PIP4K2A: variants seen among roughly 807,000 people sequenced by gnomAD.
PIP4K2A encodes phosphatidylinositol-5-phosphate 4-kinase type 2 alpha.
PIP4K2A carries 14 observed loss-of-function variants against 42.9 expected under a neutral mutation model. That is an observed-to-expected ratio of 0.33 (90% CI 0.22 to 0.51). PIP4K2A has a LOEUF of 0.51. PIP4K2A is among the 20% of genes least tolerant of loss of function. The pLI, the probability that PIP4K2A is intolerant of heterozygous loss-of-function variation, is 0.97. For missense variants in PIP4K2A, 434 were observed against 519.8 expected, an observed-to-expected ratio of 0.83 and a Z score of 1.61; for synonymous variants, 192 against 192.2, an observed-to-expected ratio of 1.00 and a Z score of 0.01.
chr10:22,698,225 C>G (rs1313250558), intron 1 of PIP4K2A, among the ~76,000 whole-genome samples: 1 of 152,108 alleles, frequency 6.6e-6, no homozygotes, highest in Non-Finnish European at 1.5e-5. Flanking sequence ...CTGAAAATCT[C>G]TATAAAGAGA....
intron 7 of PIP4K2A, among the ~76,000 whole-genome samples, chr10:22,542,556 C>T (rs1209177108): frequency 6.6e-6 from 1 of 152,204 alleles, no homozygotes; most frequent in East Asian, 1.9e-4. Flanking sequence ...GTGTCCACAT[C>T]TGGTGAGTAA....
At chr10:22,540,891 A>C (rs1172269606) in intron 8 of PIP4K2A, among the ~76,000 whole-genome samples, 1 of 152,206 alleles carries the variant, frequency 6.6e-6, no homozygotes, top group Admixed American at 6.5e-5. Context: ...AAATATGAAC[A>C]GTAAGAAAAG....
At chr10:22,678,392 C>T (rs1490685868) in intron 1 of PIP4K2A, among the ~76,000 whole-genome samples, 1 of 152,070 alleles carries the variant, frequency 6.6e-6, no homozygotes, top group East Asian at 1.9e-4. Context: ...ACTCCAAATA[C>T]AAGACTGAGA....
intron 5 of PIP4K2A, among the ~76,000 whole-genome samples, chr10:22,571,900 C>T (rs12356117): frequency 0.22 from 33,477 of 152,108 alleles, 4,698 homozygotes; most frequent in Non-Finnish European, 0.31. Flanking sequence ...CGGAGATTTG[C>T]AAAAATGTAA....
rs1451329387 is a variant in PIP4K2A, at chr10:22,714,122, G to C, written c.144+61C>G. ...CGCAGCAGCTGCAGCCGGAGGAGGAGGGGAACGAGGAGGAAGAGGAGGAGG... is the reference window on the plus strand; with the variant it reads ...CGCAGCAGCTGCAGCCGGAGGAGGACGGGAACGAGGAGGAAGAGGAGGAGG... On this transcript the variant is annotated intron_variant, in intron 1 of 9. Coordinates refer to ENST00000376573, the MANE Select transcript of PIP4K2A (RefSeq NM_005028.5). 8.6e-6 allele frequency: 13 copies of C among 1,503,220 alleles called. No individual in the cohort carries two copies. The Admixed American group carries it at 2.3e-4, about 27-fold the overall frequency. 93.1% of individuals were successfully genotyped at this position (1,503,220 alleles called of 1,614,324 possible). A position where few individuals can be genotyped will look rare whatever the true frequency, so the allele number is the denominator to read the frequency against.
At chr10:22,712,930 GTGTGTGTGTGTC>G (rs1370707940) in intron 1 of PIP4K2A, among the ~76,000 whole-genome samples, 2 of 151,738 alleles carry the variant, frequency 1.3e-5, no homozygotes, top group African/African-American at 4.9e-5. Context: ...GTGTGTGTGT[GTGTGTGTGTGTC>G]TGTGTGTGTG....
At position 22,537,381 on chromosome 10, in the gene PIP4K2A, C is replaced by T. The variant is rs1402615636; in HGVS notation, c.1141-100G>A. 9 of 880,004 alleles carry T rather than the reference C, an allele frequency of 1.0e-5. 1 individual carries two copies. The highest frequency in any genetic ancestry group is 8.5e-5 in the African/African-American group (5 of 58,568). The allele number at this position is 880,004 out of a possible 1,614,324, so 54.5% of individuals were successfully genotyped here. A position where few individuals can be genotyped will look rare whatever the true frequency, so the allele number is the denominator to read the frequency against. ...CTATTTCCAATGGCAACTGAATATA[C>T]AGCAAGCAATTTTCAAATCCATGCA... On this transcript the variant is annotated intron_variant, in intron 9 of 9. Transcript: ENST00000376573.
intron 1 of PIP4K2A, among the ~76,000 whole-genome samples, chr10:22,647,357 T>C (rs886434634): frequency 1.3e-5 from 2 of 152,132 alleles, no homozygotes; most frequent in African/African-American, 2.4e-5. Context: ...CGTGTGCGTG[T>C]GTTTTCAAGC....
chr10:22,587,006 G>C (rs1252161612), intron 4 of PIP4K2A, among the ~76,000 whole-genome samples: 1 of 152,176 alleles, frequency 6.6e-6, no homozygotes, highest in Admixed American at 6.5e-5. Context: ...GGCATGGCTG[G>C]GACCAGAAGG....
intron 1 of PIP4K2A, among the ~76,000 whole-genome samples, chr10:22,610,183 C>T (rs1344278660): frequency 2.0e-5 from 3 of 152,178 alleles, no homozygotes; most frequent in Admixed American, 1.3e-4. Context: ...ACTTCCCTTA[C>T]AGGAACTAAG....
At chr10:22,540,495 A>G (rs974772377) in intron 8 of PIP4K2A, among the ~76,000 whole-genome samples, 15 of 152,206 alleles carry the variant, frequency 9.9e-5, no homozygotes, top group Non-Finnish European at 1.9e-4. Context: ...AAATGGTAGA[A>G]CTGTTCATAA....
chr10:22,622,209 G>C (rs1838346542), intron 1 of PIP4K2A, among the ~76,000 whole-genome samples: 4 of 152,152 alleles, frequency 2.6e-5, no homozygotes, highest in Non-Finnish European at 5.9e-5. Context: ...GACAGAAGAG[G>C]AGACAAAGCT....
At chr10:22,563,549 T>C (rs1159554055) in intron 6 of PIP4K2A, among the ~76,000 whole-genome samples, 2 of 152,246 alleles carry the variant, frequency 1.3e-5, no homozygotes, top group Non-Finnish European at 2.9e-5. Flanking sequence ...TTTTTGTCAA[T>C]GTAGTTAACT....
intron 1 of PIP4K2A, among the ~76,000 whole-genome samples, chr10:22,650,947 C>T (rs77872297): frequency 0.022 from 3,363 of 152,188 alleles, 49 homozygotes; most frequent in Non-Finnish European, 0.033. Flanking sequence ...CTCAAGCCTA[C>T]CTGGTTCACC....
rs12253402 is a variant in PIP4K2A, at chr10:22,649,936, C to T, written c.145-40219G>A. 5.6e-3 allele frequency among the ~76,000 whole-genome samples: 854 copies of T among 152,282 alleles called. 4 individuals are homozygous for T. Among genetic ancestry groups the T allele is most frequent in the African/African-American group, 0.019 (805 of 41,550 alleles). Reference sequence around the variant, plus strand: ...CCATCCCATCAGGTACAAAAGTTCCCCTGTATCGCTGCAAGAGAATGGCAG... The same window carrying T: ...CCATCCCATCAGGTACAAAAGTTCCTCTGTATCGCTGCAAGAGAATGGCAG... On this transcript the variant is annotated intron_variant, in intron 1 of 9. Transcript: ENST00000376573.
intron 1 of PIP4K2A, among the ~76,000 whole-genome samples, chr10:22,673,618 C>A (rs1839497205): frequency 6.6e-6 from 1 of 152,072 alleles, no homozygotes. Flanking sequence ...AGCCCCTCAA[C>A]ACCAGGCTCT....
At chr10:22,644,322 T>A (rs1838837817) in intron 1 of PIP4K2A, among the ~76,000 whole-genome samples, 1 of 152,206 alleles carries the variant, frequency 6.6e-6, no homozygotes, top group African/African-American at 2.4e-5. Context: ...CACCACTGCC[T>A]CTCTCTTCAA....
chr10:22,536,082 CCT>C lies in PIP4K2A; in HGVS notation c.*1117_*1118del, dbSNP rs1835910694. 2.5e-6 allele frequency: 1 copy of C among 398,272 alleles called. No homozygotes were observed. Among genetic ancestry groups the C allele is most frequent in the African/African-American group, 2.1e-5 (1 of 48,554 alleles). The allele number at this position is 398,272 out of a possible 1,614,324, so 24.7% of individuals were successfully genotyped here. On this transcript the variant is annotated 3_prime_UTR_variant, in exon 10 of 10. Coordinates refer to ENST00000376573, the MANE Select transcript of PIP4K2A (RefSeq NM_005028.5). ...CAAATTTTTAGATTCAAAAGATATC[CCT>C]GTTTTCCTAATAATGTAAACAGTAA...
intron 1 of PIP4K2A, among the ~76,000 whole-genome samples, chr10:22,697,510 G>T (rs1387685700): frequency 1.3e-5 from 2 of 152,150 alleles, no homozygotes; most frequent in Non-Finnish European, 2.9e-5. Context: ...GAGCCCAGGA[G>T]TTCAAGACTA....
Sources: allele counts gnomAD v4.1 joint callset (sites outside exome capture counted in the v4.1 genomes callset), GRCh38; gene constraint gnomAD v4.1.1; transcripts MANE v1.5; gene names NCBI Gene and HGNC (gene_info 2026-07-23, HGNC 2026-07-21).